AP1M1: variants seen among roughly 807,000 people sequenced by gnomAD.
AP1M1 encodes the protein AP-1 complex subunit mu-1.
AP1M1 carries 18 observed loss-of-function variants against 57.1 expected under a neutral mutation model. That is an observed-to-expected ratio of 0.32 (90% CI 0.22 to 0.47). The LOEUF (loss-of-function observed/expected upper bound fraction) is 0.47, where lower values mean the gene tolerates loss of function less well. Among genes scored for constraint, AP1M1 ranks in the 20% least tolerant of loss-of-function variants. The pLI is 1.00. For synonymous variants in AP1M1, 241 were observed against 237.9 expected, an observed-to-expected ratio of 1.01 and a Z score of -0.12; for missense variants, 362 against 593.5, an observed-to-expected ratio of 0.61 and a Z score of 4.05.
rs2091637281 is a variant in AP1M1 at position 16,239,372 on chromosome 19, G to A, written c.*4937G>A. The A allele has an allele frequency of 6.8e-6, 1 of 147,654 alleles. No individual in the cohort carries two copies. The highest frequency in any genetic ancestry group is 1.5e-5 in the Non-Finnish European group (1 of 67,328). The allele number at this position is 147,654 out of a possible 1,614,324, so 9.1% of individuals were successfully genotyped here. A position where few individuals can be genotyped will look rare whatever the true frequency, so the allele number is the denominator to read the frequency against. ...GGATTACTTGAGCCCAGGAGTTTAA[G>A]GACAGCCTGGGCAACATAGTGAGAC... is the stretch of plus-strand genomic sequence containing the variant. On this transcript the variant is annotated 3_prime_UTR_variant, in exon 12 of 12. Coordinates refer to ENST00000291439, the MANE Select transcript of AP1M1 (RefSeq NM_032493.4).
intron 5 of AP1M1, among the ~76,000 whole-genome samples, chr19:16,211,614 G>T (rs559844680): frequency 3.3e-5 from 5 of 152,222 alleles, no homozygotes; most frequent in Admixed American, 1.3e-4. Context: ...GCCGGGCGTG[G>T]TGATGCGCGC....
intron 1 of AP1M1, among the ~76,000 whole-genome samples, chr19:16,199,594 G>T (rs2091438892): frequency 6.8e-6 from 1 of 147,048 alleles, no homozygotes; most frequent in African/African-American, 2.5e-5. Flanking sequence ...GCCCCTTCCC[G>T]CCCCACCCCA....
In AP1M1 at chr19:16,197,975, T is replaced by TCGCTGCCGCTGCCACCGCCCTCGGC; in HGVS notation, c.-43_-42insTGCCACCGCCCTCGGCCGCTGCCGC. ...GCTCAACGCCCAGCAGTCCCCACCG[T>TCGCTGCCGCTGCCACCGCCCTCGGC]CGCTGCCGCCGCCACCGCCCTCGGC... On this transcript the variant is annotated 5_prime_UTR_variant, in exon 1 of 12. Coordinates refer to ENST00000291439, the MANE Select transcript of AP1M1 (RefSeq NM_032493.4). 6.9e-7 allele frequency: 1 copy of TCGCTGCCGCTGCCACCGCCCTCGGC among 1,451,814 alleles called. No homozygotes were observed. The highest frequency in any genetic ancestry group is 9.2e-7 in the Non-Finnish European group (1 of 1,087,928). The allele number at this position is 1,451,814 out of a possible 1,614,324, so 89.9% of individuals were successfully genotyped here. A position where few individuals can be genotyped will look rare whatever the true frequency, so the allele number is the denominator to read the frequency against.
chr19:16,204,579 T>C (rs1365906508), intron 2 of AP1M1, among the ~76,000 whole-genome samples: 3 of 152,212 alleles, frequency 2.0e-5, no homozygotes, highest in Non-Finnish European at 2.9e-5. Flanking sequence ...TTGGAGACAC[T>C]TGGGGCCTTG....
At chr19:16,225,164 A>G (rs1401903714) in intron 5 of AP1M1, among the ~76,000 whole-genome samples, 1 of 152,228 alleles carries the variant, frequency 6.6e-6, no homozygotes, top group African/African-American at 2.4e-5. Context: ...AGTTTTCCCA[A>G]TTCCCTCAGA....
At position 16,236,371 on chromosome 19, in the gene AP1M1, C is replaced by G. The variant is rs955100474; in HGVS notation, c.*1936C>G. On this transcript the variant is annotated 3_prime_UTR_variant, in exon 12 of 12. Coordinates refer to ENST00000291439, the MANE Select transcript of AP1M1 (RefSeq NM_032493.4). ...AGGAAATGAAGCAGACGCACCTAGCCGTGCCCATAAAAAAGCAAGGAGACC... is the reference window on the plus strand; with the variant it reads ...AGGAAATGAAGCAGACGCACCTAGCGGTGCCCATAAAAAAGCAAGGAGACC... 2.6e-5 allele frequency: 4 copies of G among 152,242 alleles called. No homozygotes were observed. Among genetic ancestry groups the G allele is most frequent in the African/African-American group, 4.8e-5 (2 of 41,436 alleles). 9.4% of individuals were successfully genotyped at this position (152,242 alleles called of 1,614,324 possible).
At position 16,231,059 on chromosome 19, in the gene AP1M1, C is replaced by T. The variant is rs542156210; in HGVS notation, c.1047+2131C>T. 1.3e-4 allele frequency among the ~76,000 whole-genome samples: 20 copies of T among 151,884 alleles called. No homozygotes were observed. In the East Asian group the frequency reaches 2.9e-3, roughly 22 times the overall value. On this transcript the variant is annotated intron_variant, in intron 9 of 11. Coordinates refer to ENST00000291439, the MANE Select transcript of AP1M1 (RefSeq NM_032493.4). ...ATCCCAGCACTTTCGGAGGCTGAGGCGGGCGGATCACAAGGTCAGGAGATC... is the reference window on the plus strand; with the variant it reads ...ATCCCAGCACTTTCGGAGGCTGAGGTGGGCGGATCACAAGGTCAGGAGATC...
Position 16,228,191 on chromosome 19 carries a change from A to C in AP1M1, c.871A>C (p.Ile291Leu). 6.2e-7 allele frequency: 1 copy of C among 1,613,816 alleles called. No individual in the cohort carries two copies. ...GATCGAGAAGCACTCCCACAGCCGC[A>C]TCGAGTACATGATCAAGGTGCGTGG... is the stretch of plus-strand genomic sequence containing the variant. ...SVIEKHSHSR[I>L]EYMIKAKSQF... The change falls in exon 8 of 12, where the codon ATC (isoleucine) becomes CTC (leucine). Residue 291 changes from isoleucine (I) to leucine (L), a missense_variant. Coordinates refer to ENST00000291439, the MANE Select transcript of AP1M1 (RefSeq NM_032493.4). The surrounding 1 kb of genome is among the most constrained non-coding windows in gnomAD (Gnocchi z 5.0).
chr19:16,241,499 C>T lies in AP1M1; in HGVS notation c.*7064C>T, dbSNP rs1356336423. 3 of 152,080 alleles carry T rather than the reference C, an allele frequency of 2.0e-5. No individual in the cohort carries two copies. The highest frequency in any genetic ancestry group is 4.8e-5 in the African/African-American group (2 of 41,402). The allele number at this position is 152,080 out of a possible 1,614,324, so 9.4% of individuals were successfully genotyped here. A position where few individuals can be genotyped will look rare whatever the true frequency, so the allele number is the denominator to read the frequency against. Reference sequence around the variant, plus strand: ...TAACAGTGACTAACGTATAGAGTAGCGACAAAAGGCGCAACTGAAGTACTA... The same window carrying T: ...TAACAGTGACTAACGTATAGAGTAGTGACAAAAGGCGCAACTGAAGTACTA... On this transcript the variant is annotated 3_prime_UTR_variant, in exon 12 of 12. Transcript: ENST00000291439.
rs1217359286 is a variant in AP1M1 at position 16,227,090 on chromosome 19, T to C, written c.674-458T>C. The stretch of plus-strand genomic sequence containing the variant: ...CCGTTCCTAGCCCGGTGAGGGCTTC[T>C]CGGGCATCAGTCTATCAGGGCAGCT... On this transcript the variant is annotated intron_variant, in intron 6 of 11. Transcript: ENST00000291439. This position sits in a 1 kb window ranked among gnomAD's most constrained non-coding sequence, Gnocchi z 6.2. 6.6e-6 allele frequency among the ~76,000 whole-genome samples: 1 copy of C among 152,098 alleles called. No homozygotes were observed. The highest frequency in any genetic ancestry group is 2.4e-5 in the African/African-American group (1 of 41,426).
chr19:16,234,586 C>G lies in AP1M1; in HGVS notation c.*151C>G. 1 of 932,886 alleles carries G rather than the reference C, an allele frequency of 1.1e-6. No homozygotes were observed. Among genetic ancestry groups the G allele is most frequent in the Non-Finnish European group, 1.6e-6 (1 of 608,326 alleles). The allele number at this position is 932,886 out of a possible 1,614,324, so 57.8% of individuals were successfully genotyped here. Reference sequence around the variant, plus strand: ...GGGACCCCTGCCTTCCCCAGGCCATCTGCTCTGCCGTCGACACTCGTCTCA... The same window carrying G: ...GGGACCCCTGCCTTCCCCAGGCCATGTGCTCTGCCGTCGACACTCGTCTCA... On this transcript the variant is annotated 3_prime_UTR_variant, in exon 12 of 12. Coordinates refer to ENST00000291439, the MANE Select transcript of AP1M1 (RefSeq NM_032493.4).
chr19:16,225,432 A>T (rs1870353), intron 5 of AP1M1, among the ~76,000 whole-genome samples: 100,150 of 152,116 alleles, frequency 0.66, 35,222 homozygotes, highest in Non-Finnish European at 0.8. Context: ...TTCTTCTGCC[A>T]GTCACTCTGT....
chr19:16,231,888 G>A (rs1281941205), intron 9 of AP1M1, among the ~76,000 whole-genome samples: 10 of 152,212 alleles, frequency 6.6e-5, no homozygotes, highest in Non-Finnish European at 1.5e-4. Flanking sequence ...AACCTAGAGT[G>A]TTTCTCAGTC....
intron 5 of AP1M1, among the ~76,000 whole-genome samples, chr19:16,222,205 A>T (rs77028130): frequency 0.011 from 691 of 60,284 alleles, 8 homozygotes; most frequent in African/African-American, 0.026. Context: ...TACTATTATT[A>T]TTATTATTTT....
Position 16,228,429 on chromosome 19 carries a change from C to G in AP1M1, c.888+221C>G, listed in dbSNP as rs1755078348. ...CTGTAGCCAGGCATCCAGGACACTCCCAGAGGTGTTGCCCCCAGGTGGAGC... is the reference window on the plus strand; with the variant it reads ...CTGTAGCCAGGCATCCAGGACACTCGCAGAGGTGTTGCCCCCAGGTGGAGC... On this transcript the variant is annotated intron_variant, in intron 8 of 11. Coordinates refer to ENST00000291439, the MANE Select transcript of AP1M1 (RefSeq NM_032493.4). The surrounding 1 kb of genome is among the most constrained non-coding windows in gnomAD (Gnocchi z 5.0). Among the ~76,000 whole-genome samples the G allele has an allele frequency of 6.6e-6, 1 of 152,148 alleles. No individual in the cohort carries two copies.
rs1228874814 is a variant in AP1M1 at position 16,233,514 on chromosome 19, C to T, written c.1069C>T (p.Arg357Trp). 3.7e-6 allele frequency: 6 copies of T among 1,604,334 alleles called. No individual in the cohort carries two copies. The highest frequency in any genetic ancestry group is 5.1e-6 in the Non-Finnish European group (6 of 1,175,872). ...SFPGGKEYLM[R>W]AHFGLPSVEA... ...CCAGGGCGGCAAGGAGTACCTGATG[C>T]GGGCCCACTTCGGCCTGCCTAGTGT... The change falls in exon 10 of 12, where the codon CGG (arginine) becomes TGG (tryptophan). Residue 357 changes from arginine (R) to tryptophan (W), a missense_variant. Arg to Trp is a moderately radical substitution (Grantham distance 101, BLOSUM62 -3). Coordinates refer to ENST00000291439, the MANE Select transcript of AP1M1 (RefSeq NM_032493.4).
intron 5 of AP1M1, among the ~76,000 whole-genome samples, chr19:16,214,052 C>CTTTTT (rs71178658): frequency 1.1e-4 from 15 of 139,494 alleles, no homozygotes; most frequent in Non-Finnish European, 1.8e-4. Flanking sequence ...TTTCCTTTTT[C>CTTTTT]TTTTTTTTTT....
rs2091632599 is a variant in AP1M1, at chr19:16,238,246, A to G, written c.*3811A>G. Reference sequence around the variant, plus strand: ...GAATTCTCTTGCAGAACTCTAGTTGAGAAAAGCCCTGAGAAGTCCATGCAC... The same window carrying G: ...GAATTCTCTTGCAGAACTCTAGTTGGGAAAAGCCCTGAGAAGTCCATGCAC... On this transcript the variant is annotated 3_prime_UTR_variant, in exon 12 of 12. Transcript: ENST00000291439. The G allele has an allele frequency of 6.6e-6, 1 of 152,394 alleles. No homozygotes were observed. Among genetic ancestry groups the G allele is most frequent in the South Asian group, 2.1e-4 (1 of 4,832 alleles). 9.4% of individuals were successfully genotyped at this position (152,394 alleles called of 1,614,324 possible). A position where few individuals can be genotyped will look rare whatever the true frequency, so the allele number is the denominator to read the frequency against.
At chr19:16,201,121 C>A (rs2091445042) in intron 1 of AP1M1, among the ~76,000 whole-genome samples, 1 of 152,170 alleles carries the variant, frequency 6.6e-6, no homozygotes, top group African/African-American at 2.4e-5. Flanking sequence ...GCACAAGAGA[C>A]CTGGACGTTA....
Sources: gnomAD v4.1 joint callset for allele counts (sites outside exome capture counted in the v4.1 genomes callset) on GRCh38, gnomAD v4.1.1 for gene constraint, Gnocchi (gnomAD v3.1) non-coding constraint, MANE v1.5 for transcripts, NCBI Gene and HGNC (gene_info 2026-07-23, HGNC 2026-07-21) for gene names.